Variants in ZFYVE28 observed in about 807,000 individuals in gnomAD.
ZFYVE28 encodes zinc finger FYVE-type containing 28, also known as lateral signaling target protein 2 homolog.
A neutral mutation model predicts 82.1 loss-of-function variants in ZFYVE28; 40 were observed. The ratio of observed to expected loss-of-function variants is 0.49; its 90% CI spans 0.38 to 0.63. ZFYVE28 has a LOEUF of 0.63. ZFYVE28 is among the 30% of genes least tolerant of loss of function. The pLI is 0.00. For synonymous variants in ZFYVE28, 612 were observed against 546.1 expected (o/e 1.12, Z -1.68); for missense variants, 1,321 against 1,242.1 (o/e 1.06, Z -0.96).
rs1374293738 is a variant in ZFYVE28, at chr4:2,269,731, C to T, written c.*994G>A. 6.6e-6 allele frequency: 1 copy of T among 152,156 alleles called. No homozygotes were observed. The highest frequency in any genetic ancestry group is 1.9e-4 in the East Asian group (1 of 5,202). The allele number at this position is 152,156 out of a possible 1,614,324, so 9.4% of individuals were successfully genotyped here. On this transcript the variant is annotated 3_prime_UTR_variant, in exon 13 of 13. Coordinates refer to ENST00000290974, the MANE Select transcript of ZFYVE28 (RefSeq NM_020972.3). ...AAGCCGTTTCTATGCATATGTACTC[C>T]ACCAGTAAACAGTAATTAGATTTAT...
intron 7 of ZFYVE28, among the ~76,000 whole-genome samples, chr4:2,310,097 G>A (rs1717262375): frequency 6.6e-6 from 1 of 151,816 alleles, no homozygotes; most frequent in South Asian, 2.1e-4. Context: ...GGAGTGCAGT[G>A]GCCTGATCAC....
At chr4:2,272,448 G>C (rs916594562) in intron 10 of ZFYVE28, among the ~76,000 whole-genome samples, 2 of 152,220 alleles carry the variant, frequency 1.3e-5, no homozygotes, top group South Asian at 2.1e-4. Context: ...GACTCCCTGT[G>C]CCTAACCAGT....
At chr4:2,319,778 A>G (rs1369943935) in intron 7 of ZFYVE28, among the ~76,000 whole-genome samples, 1 of 146,724 alleles carries the variant, frequency 6.8e-6, no homozygotes, top group Non-Finnish European at 1.5e-5. Context: ...CAAGACTCCA[A>G]CAGAAGCAAG....
intron 6 of ZFYVE28, chr4:2,329,214 T>G: frequency 1.6e-6 from 1 of 622,396 alleles, no homozygotes; most frequent in Non-Finnish European, 3.0e-6. Flanking sequence ...TATGGAGTAT[T>G]GCCATTCTAA....
intron 8 of ZFYVE28, among the ~76,000 whole-genome samples, chr4:2,292,412 G>T (rs747829736): frequency 6.6e-6 from 1 of 152,176 alleles, no homozygotes; most frequent in Admixed American, 6.5e-5. Context: ...GACAGGAATA[G>T]GAGGGCACAA....
chr4:2,410,818 G>A (rs577667777), intron 1 of ZFYVE28, among the ~76,000 whole-genome samples: 1 of 152,312 alleles, frequency 6.6e-6, no homozygotes, highest in South Asian at 2.1e-4. Flanking sequence ...ATGCCATGGT[G>A]TGGAGGGACC....
chr4:2,383,766 C>T (rs1728965773), intron 1 of ZFYVE28, among the ~76,000 whole-genome samples: 1 of 152,200 alleles, frequency 6.6e-6, no homozygotes, highest in Non-Finnish European at 1.5e-5. Context: ...TCCAGCAGGC[C>T]TTCCACAGAT....
intron 6 of ZFYVE28, chr4:2,330,839 C>T (rs758073178): frequency 3.3e-6 from 5 of 1,530,896 alleles, no homozygotes; most frequent in African/African-American, 2.8e-5. Flanking sequence ...GCAGCGGGTG[C>T]GTGGGGACTG....
rs1391201887 is a variant in ZFYVE28 at position 2,320,729 on chromosome 4, C to T, written c.702-458G>A. On this transcript the variant is annotated intron_variant, in intron 6 of 12. Coordinates refer to ENST00000290974, the MANE Select transcript of ZFYVE28 (RefSeq NM_020972.3). This position sits in a 1 kb window ranked among gnomAD's most constrained non-coding sequence, Gnocchi z 5.1. The stretch of plus-strand genomic sequence containing the variant: ...CTGGAGGTGCGAGCTGAGGCCCGCA[C>T]GGGTTCCCTTCCTGCAGCCTGGCCA... 1.3e-5 allele frequency among the ~76,000 whole-genome samples: 2 copies of T among 152,202 alleles called. No homozygotes were observed. Among genetic ancestry groups the T allele is most frequent in the Non-Finnish European group, 2.9e-5 (2 of 68,036 alleles).
At chr4:2,359,327 T>G (rs1260157200) in intron 1 of ZFYVE28, among the ~76,000 whole-genome samples, 1 of 152,090 alleles carries the variant, frequency 6.6e-6, no homozygotes, top group African/African-American at 2.4e-5. Context: ...GGTCTTGCCA[T>G]GTTGCCCGGG....
At chr4:2,355,068 C>A (rs564819415) in intron 1 of ZFYVE28, among the ~76,000 whole-genome samples, 1 of 151,272 alleles carries the variant, frequency 6.6e-6, no homozygotes, top group Admixed American at 6.6e-5. Context: ...TGGTGCTCTA[C>A]GCACACAGCA....
At chr4:2,279,579 A>G (rs1430224499) in intron 8 of ZFYVE28, among the ~76,000 whole-genome samples, 12 of 152,288 alleles carry the variant, frequency 7.9e-5, no homozygotes, top group South Asian at 2.1e-4. Flanking sequence ...GGAGATCGAG[A>G]CCATCCTGGC....
Position 2,304,562 on chromosome 4 carries a change from G to T in ZFYVE28, c.1778C>A (p.Ala593Asp). The change falls in exon 8 of 13, where the codon GCC (alanine) becomes GAC (aspartate). Residue 593 changes from alanine (A) to aspartate (D), a missense_variant. By Grantham distance (126) the Ala-to-Asp change is moderately radical (BLOSUM62 -2). This residue lies in a region of ZFYVE28 where 978 missense variants were observed against 833.7 expected (regional missense o/e 1.17). Transcript: ENST00000290974. The stretch of plus-strand genomic sequence containing the variant: ...CTTGGCTAAGCCGGCAGCGTACGAG[G>T]CACCAATGACGCCTCCCGGGCTGCA... ...EKCSPGGVIG[A>D]SYAAGLAKAS... The T allele has an allele frequency of 4.3e-6, 7 of 1,612,748 alleles. No individual in the cohort carries two copies. Among genetic ancestry groups the T allele is most frequent in the Non-Finnish European group, 5.1e-6 (6 of 1,179,914 alleles).
Position 2,416,782 on chromosome 4 carries a change from A to C in ZFYVE28, c.39+1503T>G, listed in dbSNP as rs6599436. On this transcript the variant is annotated intron_variant, in intron 1 of 12. Coordinates refer to ENST00000290974, the MANE Select transcript of ZFYVE28 (RefSeq NM_020972.3). This position sits in a 1 kb window ranked among gnomAD's most constrained non-coding sequence, Gnocchi z 4.6. ...ACAGGGAGGTTGGGAGCAGGGAGTG[A>C]CGCCACAGGAACCCTGAATCCCCCC... is the stretch of plus-strand genomic sequence containing the variant. 0.59 allele frequency among the ~76,000 whole-genome samples: 88,452 copies of C among 151,066 alleles called. 26,757 individuals carry two copies. The highest frequency in any genetic ancestry group is 0.87 in the East Asian group (4,401 of 5,086).
rs1371359622 is a variant in ZFYVE28 at position 2,305,797 on chromosome 4, A to C, written c.804-261T>G. ...TCTTTTTTAAAACAAGATTCTGGAA[A>C]CTTTTGCTGAAAAGAAGAAAGCCCT... On this transcript the variant is annotated intron_variant, in intron 7 of 12. Coordinates refer to ENST00000290974, the MANE Select transcript of ZFYVE28 (RefSeq NM_020972.3). Among the ~76,000 whole-genome samples, 11 of 152,372 alleles carry C rather than the reference A, an allele frequency of 7.2e-5. 1 individual carries two copies. In the East Asian group the frequency reaches 2.1e-3, roughly 29 times the overall value.
Position 2,416,232 on chromosome 4 carries a change from C to T in ZFYVE28, c.39+2053G>A, listed in dbSNP as rs1161770136. 6.6e-6 allele frequency among the ~76,000 whole-genome samples: 1 copy of T among 152,226 alleles called. No homozygotes were observed. Among genetic ancestry groups the T allele is most frequent in the African/African-American group, 2.4e-5 (1 of 41,450 alleles). ...ATGTTCTACCTTTAACCTGTCTTCC[C>T]TAAACGGAAACAGACAAGGCCATCC... On this transcript the variant is annotated intron_variant, in intron 1 of 12. Transcript: ENST00000290974. The surrounding 1 kb of genome is among the most constrained non-coding windows in gnomAD (Gnocchi z 4.6).
rs1725129354 is a variant in ZFYVE28 at position 2,355,264 on chromosome 4, AT to A, written c.40-1192del. Among the ~76,000 whole-genome samples, 10 of 14,432 alleles carry A rather than the reference AT, an allele frequency of 6.9e-4. 1 individual carries two copies. Among genetic ancestry groups the A allele is most frequent in the Non-Finnish European group, 9.2e-4 (8 of 8,702 alleles). 9.5% of individuals were successfully genotyped at this position (14,432 alleles called of 152,430 possible). ...TATATATATATATATATATATATAT[AT>A]ATATATAATGATTCTTCTTTTTTTT... On this transcript the variant is annotated intron_variant, in intron 1 of 12. Coordinates refer to ENST00000290974, the MANE Select transcript of ZFYVE28 (RefSeq NM_020972.3).
chr4:2,279,334 A>AG (rs1711582825), intron 8 of ZFYVE28, among the ~76,000 whole-genome samples: 1 of 152,184 alleles, frequency 6.6e-6, no homozygotes, highest in African/African-American at 2.4e-5. Flanking sequence ...CGGGAAGCTG[A>AG]GCAGGAGAAT....
chr4:2,390,768 G>A (rs1279341483), intron 1 of ZFYVE28, among the ~76,000 whole-genome samples: 3 of 152,306 alleles, frequency 2.0e-5, no homozygotes, highest in South Asian at 2.1e-4. Context: ...ATTTTTAGAC[G>A]TTACTACCAC....
Sources: gnomAD v4.1 joint callset for allele counts (sites outside exome capture counted in the v4.1 genomes callset) on GRCh38, gnomAD v4.1.1 for gene constraint, gnomAD v4.1.1 regional missense constraint, Gnocchi (gnomAD v3.1) non-coding constraint, MANE v1.5 for transcripts, NCBI Gene and HGNC (gene_info 2026-07-23, HGNC 2026-07-21) for gene names.